ANK1: variants seen among roughly 807,000 people sequenced by gnomAD.
ANK1 encodes the protein ankyrin 1.
A neutral mutation model predicts 210.4 loss-of-function variants in ANK1; 51 were observed. The ratio of observed to expected loss-of-function variants is 0.24; its 90% confidence interval spans 0.19 to 0.31. The LOEUF (loss-of-function observed/expected upper bound fraction) is 0.31, where lower values mean the gene tolerates loss of function less well. ANK1 is among the 10% of genes least tolerant of loss of function. ANK1 has a pLI of 1.00. For synonymous variants in ANK1, 967 were observed against 1,025.9 expected, an observed-to-expected ratio of 0.94 and a Z score of 1.10; for missense variants, 2,051 against 2,504.4, an observed-to-expected ratio of 0.82 and a Z score of 3.86.
At chr8:41,709,177 C>T (rs569445588) in intron 16 of ANK1, among the ~76,000 whole-genome samples, 2 of 152,288 alleles carry the variant, frequency 1.3e-5, no homozygotes, top group East Asian at 3.9e-4. Context: ...CTTGCATAGC[C>T]TCTATATGTC....
chr8:41,677,267 A>G (rs1814461261), intron 37 of ANK1, among the ~76,000 whole-genome samples: 1 of 152,256 alleles, frequency 6.6e-6, no homozygotes, highest in South Asian at 2.1e-4. Flanking sequence ...CTAGAGGTTT[A>G]TCAATGTTAT....
At chr8:41,664,482 C>A (rs1319517813) in intron 39 of ANK1, among the ~76,000 whole-genome samples, 1 of 149,114 alleles carries the variant, frequency 6.7e-6, no homozygotes, top group Non-Finnish European at 1.5e-5. Flanking sequence ...GACTTCATCT[C>A]TAAAAACAAA....
At chr8:41,664,185 C>T (rs143051518) in intron 39 of ANK1, 48 of 457,504 alleles carry the variant, frequency 1.0e-4, no homozygotes, top group African/African-American at 7.4e-4. Context: ...CAGGACGATC[C>T]GGGTGCAATC....
In ANK1 at chr8:41,758,957, C is replaced by G. The variant is rs766819064; in HGVS notation, c.28-820G>C. 2.6e-5 allele frequency among the ~76,000 whole-genome samples: 4 copies of G among 152,052 alleles called. No individual in the cohort carries two copies. In the East Asian group the frequency reaches 7.7e-4, roughly 29 times the overall value. On this transcript the variant is annotated intron_variant, in intron 1 of 42. Coordinates refer to ENST00000289734, the MANE Select transcript of ANK1 (RefSeq NM_000037.4). Reference sequence around the variant, plus strand: ...TGTTCCCCAGGATGGTCTCGAACTCCTGGGCTCAAGCAATCCTCCTGCCCC... The same window carrying G: ...TGTTCCCCAGGATGGTCTCGAACTCGTGGGCTCAAGCAATCCTCCTGCCCC...
chr8:41,879,425 A>G (rs1417562387), intron 1 of ANK1, among the ~76,000 whole-genome samples: 4 of 152,220 alleles, frequency 2.6e-5, no homozygotes, highest in Admixed American at 2.6e-4. Context: ...ATTCCCCAGC[A>G]ATTAAGTCAA....
chr8:41,794,181 C>T (rs2150766305), intron 1 of ANK1, among the ~76,000 whole-genome samples: 1 of 152,304 alleles, frequency 6.6e-6, no homozygotes, highest in Admixed American at 6.5e-5. Flanking sequence ...TCATCTCGCT[C>T]AAGGCAGAAG....
At chr8:41,747,715 A>G (rs1010697990) in intron 2 of ANK1, among the ~76,000 whole-genome samples, 2 of 152,190 alleles carry the variant, frequency 1.3e-5, no homozygotes, top group African/African-American at 4.8e-5. Flanking sequence ...TAGAGCAATG[A>G]AACCATAATG....
intron 1 of ANK1, among the ~76,000 whole-genome samples, chr8:41,814,612 C>A (rs1489913626): frequency 1.3e-5 from 2 of 152,002 alleles, no homozygotes; most frequent in Non-Finnish European, 2.9e-5. Flanking sequence ...AAATGGATGA[C>A]AAAGACTTAA....
chr8:41,841,092 C>T (rs770896746), intron 1 of ANK1, among the ~76,000 whole-genome samples: 10 of 152,184 alleles, frequency 6.6e-5, no homozygotes, highest in Non-Finnish European at 1.5e-4. Context: ...CCAGGAGACA[C>T]CTGCAGCCCC....
chr8:41,681,801 T>G lies in ANK1; in HGVS notation c.4537+2743A>C, dbSNP rs532637552. ...TCTCCAGAACACAAGGGCACCCAGA[T>G]GAGGGCCAGACTTTCTGGGGCAAGG... On this transcript the variant is annotated intron_variant, in intron 37 of 42. Transcript: ENST00000289734. Among the ~76,000 whole-genome samples the G allele has an allele frequency of 1.4e-4, 19 of 131,442 alleles. No homozygotes were observed. The South Asian group carries it at 4.4e-3, about 31-fold the overall frequency. The allele number at this position is 131,442 out of a possible 152,430, so 86.2% of individuals were successfully genotyped here. A position where few individuals can be genotyped will look rare whatever the true frequency, so the allele number is the denominator to read the frequency against.
chr8:41,803,001 GAAAGAAAGAA>G (rs1850198561), intron 1 of ANK1, among the ~76,000 whole-genome samples: 1 of 72,706 alleles, frequency 1.4e-5, no homozygotes, highest in Admixed American at 1.4e-4. Context: ...AAGAGAGAAA[GAAAGAAAGAA>G]AGAAAGAAAG....
intron 37 of ANK1, among the ~76,000 whole-genome samples, chr8:41,675,770 A>G (rs1813927866): frequency 6.6e-6 from 1 of 152,104 alleles, no homozygotes; most frequent in Non-Finnish European, 1.5e-5. Context: ...CCCTCTGCCA[A>G]CCCCAAACCA....
At position 41,797,410 on chromosome 8, in the gene ANK1, G is replaced by T; in HGVS notation, c.27+102C>A. ...GCCCACGGGGAGGCGAGGCGGGTGG[G>T]GTGTGCAAAGCTGCTCTTGCTCGCG... On this transcript the variant is annotated intron_variant, in intron 1 of 42. Transcript: ENST00000289734. This position sits in a 1 kb window ranked among gnomAD's most constrained non-coding sequence, Gnocchi z 4.0. The T allele has an allele frequency of 9.5e-7, 1 of 1,050,430 alleles. No individual in the cohort carries two copies. The highest frequency in any genetic ancestry group is 1.4e-6 in the Non-Finnish European group (1 of 693,804). 65.1% of individuals were successfully genotyped at this position (1,050,430 alleles called of 1,614,324 possible). A position where few individuals can be genotyped will look rare whatever the true frequency, so the allele number is the denominator to read the frequency against.
intron 1 of ANK1, among the ~76,000 whole-genome samples, chr8:41,867,985 AAGT>A (rs1442090942): frequency 2.0e-5 from 3 of 152,090 alleles, no homozygotes; most frequent in African/African-American, 7.2e-5. Context: ...TCAGCCTCCC[AAGT>A]AGCTGGGATT....
At chr8:41,878,225 T>C (rs954090621) in intron 1 of ANK1, among the ~76,000 whole-genome samples, 2 of 152,192 alleles carry the variant, frequency 1.3e-5, no homozygotes, top group South Asian at 2.1e-4. Context: ...TCTTCCTAGC[T>C]ACCCTACCGG....
In ANK1 at chr8:41,688,513, G is replaced by T; in HGVS notation, c.4181C>A (p.Pro1394Gln). 1 of 1,614,004 alleles carries T rather than the reference G, an allele frequency of 6.2e-7. No individual in the cohort carries two copies. The highest frequency in any genetic ancestry group is 8.5e-7 in the Non-Finnish European group (1 of 1,179,844). Residue 1394 changes from proline to glutamine, a missense_variant and splice_region_variant, in exon 34 of 43, where the codon CCA becomes CAA. Physicochemically the swap from Pro to Gln is moderately conservative, Grantham distance 76 (BLOSUM62 -1). Coordinates refer to ENST00000289734, the MANE Select transcript of ANK1 (RefSeq NM_000037.4). ...LRYSILSESTPGSLSGTEQAE... is the reference protein window; with the variant it reads ...LRYSILSESTQGSLSGTEQAE... ...GCATCATCACACAGAGGCCGTACCT[G>T]GTGTGGACTCACTGAGAATGCTGTA...
intron 2 of ANK1, among the ~76,000 whole-genome samples, chr8:41,737,817 T>A (rs56198301): frequency 6.6e-6 from 1 of 151,938 alleles, no homozygotes; most frequent in Non-Finnish European, 1.5e-5. Flanking sequence ...AAAAAACACA[T>A]GGGGACGGGG....
chr8:41,684,334 G>T, intron 37 of ANK1: 1 of 803,782 alleles, frequency 1.2e-6, no homozygotes, highest in Non-Finnish European at 2.0e-6. Context: ...AGGCGGAGGC[G>T]ATGCCCACCT....
At chr8:41,695,441 C>T (rs1325213380) in intron 26 of ANK1, 110 bp from the exon 27 acceptor site, 1 of 1,472,860 alleles carries the variant, frequency 6.8e-7, no homozygotes, top group African/African-American at 1.4e-5. Flanking sequence ...ACTTCCGCAG[C>T]CACGTGGAGG....
Sources: allele counts gnomAD v4.1 joint callset (sites outside exome capture counted in the v4.1 genomes callset), GRCh38; gene constraint gnomAD v4.1.1; non-coding constraint Gnocchi (gnomAD v3.1); transcripts MANE v1.5; gene names NCBI Gene and HGNC (gene_info 2026-07-23, HGNC 2026-07-21).